The following RORA variants were observed in gnomAD, a reference collection of about 807,000 sequenced individuals.
RORA encodes nuclear receptor ROR-alpha.
In RORA, 7 loss-of-function variants were observed where a neutral mutation model predicts 69.5. The ratio of observed to expected loss-of-function variants is 0.10; its 90% confidence interval spans 0.06 to 0.19. The LOEUF (loss-of-function observed/expected upper bound fraction) is 0.19, where lower values mean the gene tolerates loss of function less well. RORA is among the 10% of genes least tolerant of loss of function. RORA has a pLI of 1.00. For synonymous variants in RORA, 261 were observed against 240.8 expected (o/e 1.08, Z -0.78); for missense variants, 457 against 663.0 (o/e 0.69, Z 3.41).
chr15:60,977,626 T>C (rs1893914307), intron 1 of RORA, among the ~76,000 whole-genome samples: 1 of 152,162 alleles, frequency 6.6e-6, no homozygotes, highest in South Asian at 2.1e-4. Flanking sequence ...TTCCCTCTCC[T>C]TCATCCCCTG....
chr15:60,583,525 T>C (rs949891439), intron 2 of RORA, among the ~76,000 whole-genome samples: 1 of 152,184 alleles, frequency 6.6e-6, no homozygotes. Context: ...CTATGTCACA[T>C]GCAGAGGCTG....
chr15:61,174,347 T>A (rs918777152), intron 1 of RORA, among the ~76,000 whole-genome samples: 2 of 152,200 alleles, frequency 1.3e-5, no homozygotes, highest in Admixed American at 1.3e-4. Context: ...TTAGGCTGGT[T>A]CTTACTAACC....
At chr15:60,542,548 A>ACATGCACACCTCACACACACGGCACG (rs1308290298) in intron 2 of RORA, among the ~76,000 whole-genome samples, 3 of 135,298 alleles carry the variant, frequency 2.2e-5, no homozygotes, top group Non-Finnish European at 4.5e-5. Flanking sequence ...CAGATGGCAC[A>ACATGCACACCTCACACACACGGCACG]CATGCACACC....
chr15:61,118,934 T>C (rs2140808142), intron 1 of RORA, among the ~76,000 whole-genome samples: 1 of 152,174 alleles, frequency 6.6e-6, no homozygotes, highest in Admixed American at 6.5e-5. Flanking sequence ...TACCATGTAC[T>C]GGGCGACCTA....
intron 3 of RORA, among the ~76,000 whole-genome samples, chr15:60,521,740 C>T (rs1742098555): frequency 6.6e-6 from 1 of 152,156 alleles, no homozygotes; most frequent in Non-Finnish European, 1.5e-5. Flanking sequence ...TGCCCTCTTA[C>T]TTATATGTAT....
chr15:61,028,824 G>A (rs1031791083), intron 1 of RORA, among the ~76,000 whole-genome samples: 21 of 152,074 alleles, frequency 1.4e-4, no homozygotes, highest in Non-Finnish European at 2.1e-4. Context: ...ACTGATTCAC[G>A]CTAAAATGCA....
rs2079302201 is a variant in RORA at position 61,141,858 on chromosome 15, GACTAACACCTC to G, written c.166+87184_166+87194del. Among the ~76,000 whole-genome samples, 3 of 152,204 alleles carry G rather than the reference GACTAACACCTC, an allele frequency of 2.0e-5. No individual in the cohort carries two copies. In the South Asian group the frequency reaches 6.2e-4, roughly 31 times the overall value. On this transcript the variant is annotated intron_variant, in intron 1 of 10. Transcript: ENST00000335670. ...CAAACTTTCACGTGAGCTTGGATTG[GACTAACACCTC>G]ATTAGCAAAGAGCTGCCTCACTCAG...
At chr15:60,974,300 CTG>C (rs1271257320) in intron 1 of RORA, among the ~76,000 whole-genome samples, 1 of 152,204 alleles carries the variant, frequency 6.6e-6, no homozygotes, top group African/African-American at 2.4e-5. Flanking sequence ...AATATGAAGA[CTG>C]TGTCTGTATC....
chr15:60,589,869 A>G (rs1010073485), intron 2 of RORA, among the ~76,000 whole-genome samples: 9 of 152,214 alleles, frequency 5.9e-5, no homozygotes, highest in Admixed American at 5.2e-4. Flanking sequence ...CCAAAAAGCT[A>G]TATTGTAAAC....
chr15:60,758,555 T>G (rs80081713), intron 1 of RORA, among the ~76,000 whole-genome samples: 3,830 of 152,172 alleles, frequency 0.025, 170 homozygotes, highest in African/African-American at 0.088. Context: ...TCAAATACAG[T>G]TGGGGAGTGG....
chr15:60,754,505 A>T (rs1382004085), intron 1 of RORA, among the ~76,000 whole-genome samples: 1 of 152,178 alleles, frequency 6.6e-6, no homozygotes, highest in Non-Finnish European at 1.5e-5. Flanking sequence ...TCAAAAAATT[A>T]TTAGGGCTGT....
intron 1 of RORA, among the ~76,000 whole-genome samples, chr15:60,988,957 G>A (rs1354119868): frequency 1.3e-5 from 2 of 152,168 alleles, no homozygotes; most frequent in Non-Finnish European, 2.9e-5. Context: ...GATAAAGGCA[G>A]AATAAAGAAA....
rs1481554873 is a variant in RORA, at chr15:60,511,836, G to A, written c.425-215C>T. 6.6e-6 allele frequency among the ~76,000 whole-genome samples: 1 copy of A among 152,112 alleles called. No homozygotes were observed. The highest frequency in any genetic ancestry group is 1.5e-5 in the Non-Finnish European group (1 of 68,018). ...AAACACACATCCCAGAGAAACTCAT[G>A]TTTCAGAAAGAGGCCTGGTGCAGGT... On this transcript the variant is annotated intron_variant, in intron 4 of 10. Transcript: ENST00000335670. This position sits in a 1 kb window ranked among gnomAD's most constrained non-coding sequence, Gnocchi z 6.4.
chr15:60,583,123 C>T (rs976998069), intron 2 of RORA, among the ~76,000 whole-genome samples: 12 of 152,154 alleles, frequency 7.9e-5, no homozygotes, highest in Admixed American at 6.5e-4. Flanking sequence ...GGGCTGGTGT[C>T]GCAGTGTGGA....
intron 1 of RORA, among the ~76,000 whole-genome samples, chr15:61,172,260 T>C (rs1203723444): frequency 6.6e-6 from 1 of 152,140 alleles, no homozygotes; most frequent in Non-Finnish European, 1.5e-5. Context: ...GCAATCCATA[T>C]ACGAAATGAC....
chr15:60,969,511 A>G (rs1382747792), intron 1 of RORA, among the ~76,000 whole-genome samples: 3 of 152,192 alleles, frequency 2.0e-5, no homozygotes, highest in African/African-American at 7.2e-5. Context: ...TATTCACAGG[A>G]TTGCAGGCAA....
intron 1 of RORA, among the ~76,000 whole-genome samples, chr15:60,687,409 T>TA (rs1337535874): frequency 2.6e-5 from 4 of 152,354 alleles, no homozygotes; most frequent in African/African-American, 7.2e-5. Flanking sequence ...GTAGCCTCTC[T>TA]ACTCCCCTCT....
intron 1 of RORA, among the ~76,000 whole-genome samples, chr15:61,069,461 C>T (rs1293580583): frequency 2.6e-5 from 4 of 152,010 alleles, no homozygotes; most frequent in African/African-American, 4.8e-5. Flanking sequence ...AAAGAGAGGG[C>T]AGACAAAAAT....
At chr15:60,993,581 T>C (rs1894445599) in intron 1 of RORA, among the ~76,000 whole-genome samples, 1 of 141,932 alleles carries the variant, frequency 7.0e-6, no homozygotes, top group African/African-American at 2.7e-5. Flanking sequence ...GGGCGGAGGT[T>C]GCAGTGAGCT....
Sources: gnomAD v4.1 joint callset for allele counts (sites outside exome capture counted in the v4.1 genomes callset) on GRCh38, gnomAD v4.1.1 for gene constraint, Gnocchi (gnomAD v3.1) non-coding constraint, MANE v1.5 for transcripts, NCBI Gene and HGNC (gene_info 2026-07-23, HGNC 2026-07-21) for gene names.